TET1: variants seen among roughly 807,000 people sequenced by gnomAD.
The protein encoded by TET1 is methylcytosine dioxygenase TET1.
In TET1, 13 loss-of-function variants were observed where a neutral mutation model predicts 148.7. The ratio of observed to expected loss-of-function variants is 0.09; its 90% CI spans 0.06 to 0.14. The LOEUF is 0.14. TET1 is among the 10% of genes least tolerant of loss of function. The pLI is 1.00. For synonymous variants in TET1, 907 were observed against 937.2 expected, an observed-to-expected ratio of 0.97 and a Z score of 0.59; for missense variants, 2,182 against 2,553.8, an observed-to-expected ratio of 0.85 and a Z score of 3.14.
chr10:68,689,474 G>A (rs888951640), intron 11 of TET1, among the ~76,000 whole-genome samples: 25 of 152,022 alleles, frequency 1.6e-4, no homozygotes, highest in Admixed American at 1.2e-3. Flanking sequence ...AGGCAGAGGC[G>A]GGCGGATCAT....
At chr10:68,688,720 G>A (rs1307169569) in intron 11 of TET1, among the ~76,000 whole-genome samples, 8 of 152,128 alleles carry the variant, frequency 5.3e-5, no homozygotes, top group Admixed American at 3.3e-4. Flanking sequence ...TTACAGGCGT[G>A]AGCCACCGTG....
chr10:68,666,563 G>A (rs746504947), intron 6 of TET1, among the ~76,000 whole-genome samples: 24 of 152,160 alleles, frequency 1.6e-4, no homozygotes, highest in Admixed American at 3.3e-4. Context: ...GTTTTCTACC[G>A]GGCCCTCTCT....
chr10:68,595,986 A>ACC, intron 2 of TET1, among the ~76,000 whole-genome samples: 1 of 40,870 alleles, frequency 2.4e-5, no homozygotes, highest in Non-Finnish European at 4.6e-5. Context: ...ACATATATAC[A>ACC]CACACACACA....
chr10:68,673,967 T>C (rs1471316733), intron 8 of TET1, among the ~76,000 whole-genome samples: 2 of 144,378 alleles, frequency 1.4e-5, no homozygotes, highest in African/African-American at 5.1e-5. Context: ...TTTCTTTTTT[T>C]TTTTTTTTTT....
rs192427107 is a variant in TET1 at position 68,618,440 on chromosome 10, C to T, written c.1968+17406C>T. Among the ~76,000 whole-genome samples, 422 of 152,218 alleles carry T rather than the reference C, an allele frequency of 2.8e-3. 8 individuals are homozygous for T. The highest frequency in any genetic ancestry group is 0.024 in the Admixed American group (368 of 15,262). On this transcript the variant is annotated intron_variant, in intron 3 of 11. Coordinates refer to ENST00000373644, the MANE Select transcript of TET1 (RefSeq NM_030625.3). Reference sequence around the variant, plus strand: ...TCTTGCCCTTCCTGCTCTTATCTTCCACAGAGCTTTATCTTACCAGGACCT... The same window carrying T: ...TCTTGCCCTTCCTGCTCTTATCTTCTACAGAGCTTTATCTTACCAGGACCT...
chr10:68,593,726 C>T (rs534458625), intron 2 of TET1, among the ~76,000 whole-genome samples: 3 of 152,152 alleles, frequency 2.0e-5, no homozygotes, highest in Admixed American at 1.3e-4. Flanking sequence ...GATTATCCTG[C>T]CTCAGCCTCC....
intron 6 of TET1, 93 bp downstream of exon 6, chr10:68,652,687 T>C (rs2054955336): frequency 2.4e-6 from 2 of 841,626 alleles, no homozygotes. Flanking sequence ...CTTTATTTTA[T>C]TTATTCATTT....
At chr10:68,661,330 G>A (rs1408108115) in intron 6 of TET1, among the ~76,000 whole-genome samples, 1 of 150,418 alleles carries the variant, frequency 6.6e-6, no homozygotes, top group Non-Finnish European at 1.5e-5. Context: ...TTACAGGCAT[G>A]AGCCACTGCA....
intron 3 of TET1, among the ~76,000 whole-genome samples, chr10:68,627,372 C>T (rs916859813): frequency 4.0e-5 from 6 of 150,928 alleles, no homozygotes; most frequent in African/African-American, 7.3e-5. Flanking sequence ...CTCACGCCAC[C>T]GTACTCCAGC....
intron 3 of TET1, among the ~76,000 whole-genome samples, chr10:68,642,914 A>G (rs1483203585): frequency 6.6e-6 from 1 of 152,106 alleles, no homozygotes; most frequent in Non-Finnish European, 1.5e-5. Flanking sequence ...TGTATTGTAC[A>G]CTTTGCAACT....
At chr10:68,611,679 T>TTTTCTTTTCTTTTCTTTTC (rs2054214954) in intron 3 of TET1, among the ~76,000 whole-genome samples, 1 of 79,698 alleles carries the variant, frequency 1.3e-5, no homozygotes. Context: ...CTTTTCTTTC[T>TTTTCTTTTCTTTTCTTTTC]TTTCTTTTCT....
chr10:68,580,550 A>G (rs991892502), intron 2 of TET1, among the ~76,000 whole-genome samples: 1 of 150,300 alleles, frequency 6.7e-6, no homozygotes, highest in African/African-American at 2.4e-5. Flanking sequence ...GAGGCCAAGG[A>G]AGGTAGATCA....
intron 3 of TET1, among the ~76,000 whole-genome samples, chr10:68,633,441 T>G (rs2054606733): frequency 1.3e-5 from 2 of 152,126 alleles, no homozygotes; most frequent in South Asian, 4.2e-4. Context: ...AGTACAGTGG[T>G]GTGACCACGG....
intron 3 of TET1, among the ~76,000 whole-genome samples, chr10:68,636,139 T>C (rs1017981860): frequency 1.3e-4 from 20 of 152,160 alleles, no homozygotes; most frequent in Non-Finnish European, 5.9e-5. Flanking sequence ...TAGAAGGTTT[T>C]TCCTCCTTTG....
At chr10:68,615,027 C>T (rs1442205064) in intron 3 of TET1, among the ~76,000 whole-genome samples, 1 of 151,902 alleles carries the variant, frequency 6.6e-6, no homozygotes. Context: ...CTCCGTCTCC[C>T]AGGTTGAAGC....
At chr10:68,625,233 G>A (rs1016024236) in intron 3 of TET1, among the ~76,000 whole-genome samples, 3 of 152,166 alleles carry the variant, frequency 2.0e-5, no homozygotes, top group Admixed American at 6.6e-5. Flanking sequence ...AGGGTCCTTT[G>A]TTGACTGTAT....
intron 6 of TET1, among the ~76,000 whole-genome samples, chr10:68,661,264 G>A (rs2055109816): frequency 8.1e-6 from 1 of 123,936 alleles, no homozygotes; most frequent in African/African-American, 3.1e-5. Context: ...TAGCCAGGAT[G>A]TTCTCGATCT....
intron 6 of TET1, among the ~76,000 whole-genome samples, chr10:68,664,485 T>A (rs2055167741): frequency 6.6e-6 from 1 of 151,038 alleles, no homozygotes; most frequent in African/African-American, 2.4e-5. Context: ...CTGGGCTTAC[T>A]GCAACCTCGG....
At position 68,645,883 on chromosome 10, in the gene TET1, C is replaced by T; in HGVS notation, c.3154C>T (p.Leu1052=). The T allele has an allele frequency of 6.2e-7, 1 of 1,613,870 alleles. No homozygotes were observed. Among genetic ancestry groups the T allele is most frequent in the Non-Finnish European group, 8.5e-7 (1 of 1,180,006 alleles). ...TGAAGTGGAGTATTGCAACCAGTTA[C>T]TGGACAGCAGCAAAAAATTGGACTC... ...NNEVEYCNQL[L]DSSKKLDSDD... The change falls in exon 4 of 12, where the codon CTG becomes TTG. Residue 1052 remains leucine (L), a synonymous_variant. Coordinates refer to ENST00000373644, the MANE Select transcript of TET1 (RefSeq NM_030625.3).
Sources: gnomAD v4.1 joint callset for allele counts (sites outside exome capture counted in the v4.1 genomes callset) on GRCh38, gnomAD v4.1.1 for gene constraint, MANE v1.5 for transcripts, NCBI Gene and HGNC (gene_info 2026-07-23, HGNC 2026-07-21) for gene names.